Variants in GRM1 observed in about 807,000 individuals in gnomAD.
The protein encoded by GRM1 is glutamate metabotropic receptor 1, also known as metabotropic glutamate receptor 1.
GRM1 carries 33 observed loss-of-function variants against 90.9 expected under a neutral mutation model. The ratio of observed to expected loss-of-function variants is 0.36; its 90% CI spans 0.28 to 0.49. The LOEUF (loss-of-function observed/expected upper bound fraction) is 0.49, where lower values mean the gene tolerates loss of function less well. GRM1 is among the 20% of genes least tolerant of loss of function. The pLI is 0.99. For synonymous variants in GRM1, 700 were observed against 613.2 expected (o/e 1.14, Z -2.09); for missense variants, 1,190 against 1,534.3 (o/e 0.78, Z 3.75).
chr6:146,419,371 T>G (rs1252754156), intron 7 of GRM1, among the ~76,000 whole-genome samples: 2 of 152,164 alleles, frequency 1.3e-5, no homozygotes, highest in East Asian at 3.9e-4. Flanking sequence ...ATAATTTATT[T>G]ACAGCATCAG....
chr6:146,269,891 C>T (rs1440218483), intron 2 of GRM1, among the ~76,000 whole-genome samples: 1 of 151,366 alleles, frequency 6.6e-6, no homozygotes, highest in East Asian at 1.9e-4. Context: ...TGAGCAAACT[C>T]ATTAGGAATG....
chr6:146,392,571 A>G (rs1473359493), intron 6 of GRM1, among the ~76,000 whole-genome samples: 1 of 152,204 alleles, frequency 6.6e-6, no homozygotes, highest in Non-Finnish European at 1.5e-5. Context: ...GTTCTGGGAT[A>G]CATGTGCAGA....
chr6:146,075,447 T>C (rs78583259), intron 1 of GRM1, among the ~76,000 whole-genome samples: 1,542 of 152,302 alleles, frequency 0.01, 27 homozygotes, highest in East Asian at 0.07. Context: ...TATGATATTT[T>C]GTATGCTAAA....
intron 1 of GRM1, among the ~76,000 whole-genome samples, chr6:146,140,466 C>T (rs1776831651): frequency 6.6e-6 from 1 of 151,806 alleles, no homozygotes; most frequent in Non-Finnish European, 1.5e-5. Flanking sequence ...ATGGGGTTTC[C>T]CCATGATTGC....
intron 5 of GRM1, among the ~76,000 whole-genome samples, chr6:146,385,633 G>A (rs1242934443): frequency 6.6e-6 from 1 of 151,796 alleles, no homozygotes; most frequent in East Asian, 1.9e-4. Context: ...AAAAGAACCA[G>A]AAATGTAAAT....
chr6:146,108,229 T>A (rs1775402816), intron 1 of GRM1, among the ~76,000 whole-genome samples: 1 of 152,182 alleles, frequency 6.6e-6, no homozygotes, highest in African/African-American at 2.4e-5. Context: ...TCTTCCATTA[T>A]CTTCTACCAG....
intron 2 of GRM1, among the ~76,000 whole-genome samples, chr6:146,302,716 G>A (rs958403387): frequency 6.6e-6 from 1 of 151,950 alleles, no homozygotes; most frequent in Non-Finnish European, 1.5e-5. Context: ...CTTTTTTAGT[G>A]TCTGTTTTCC....
chr6:146,174,528 A>G (rs1778261908), intron 2 of GRM1, among the ~76,000 whole-genome samples: 1 of 152,208 alleles, frequency 6.6e-6, no homozygotes, highest in Admixed American at 6.5e-5. Context: ...TGTTTTGCCA[A>G]AGTAGAATAT....
At chr6:146,033,232 C>G (rs1438555374) in intron 1 of GRM1, among the ~76,000 whole-genome samples, 1 of 152,040 alleles carries the variant, frequency 6.6e-6, no homozygotes, top group African/African-American at 2.4e-5. Flanking sequence ...AGTTTGAATG[C>G]ACTTTGGAGC....
intron 1 of GRM1, among the ~76,000 whole-genome samples, chr6:146,158,418 G>A (rs953193231): frequency 2.6e-5 from 4 of 151,988 alleles, no homozygotes; most frequent in African/African-American, 9.7e-5. Context: ...AGAGATGGAT[G>A]TTTGACATCC....
chr6:146,366,622 A>G (rs963915140), intron 5 of GRM1, among the ~76,000 whole-genome samples: 1 of 152,158 alleles, frequency 6.6e-6, no homozygotes, highest in Non-Finnish European at 1.5e-5. Context: ...TTGCTTATTT[A>G]ACATGATTTC....
At chr6:146,155,049 A>G (rs1240177054) in intron 1 of GRM1, among the ~76,000 whole-genome samples, 1 of 152,180 alleles carries the variant, frequency 6.6e-6, no homozygotes, top group East Asian at 1.9e-4. Context: ...TGATACAACA[A>G]ATGCACCTTT....
intron 1 of GRM1, among the ~76,000 whole-genome samples, chr6:146,088,126 C>T (rs1230942622): frequency 6.6e-6 from 1 of 152,058 alleles, no homozygotes. Flanking sequence ...TTTATTTTAA[C>T]TATTCTGATA....
chr6:146,051,119 G>A (rs1221261024), intron 1 of GRM1, among the ~76,000 whole-genome samples: 2 of 152,020 alleles, frequency 1.3e-5, no homozygotes, highest in South Asian at 2.1e-4. Flanking sequence ...AGACACATCT[G>A]CTTTCTTACC....
chr6:146,252,825 G>A (rs1781345451), intron 2 of GRM1, among the ~76,000 whole-genome samples: 2 of 152,108 alleles, frequency 1.3e-5, no homozygotes, highest in South Asian at 4.2e-4. Flanking sequence ...ACTTTGGGGG[G>A]CCGAGGCAGG....
intron 2 of GRM1, among the ~76,000 whole-genome samples, chr6:146,173,468 G>A (rs1477469176): frequency 6.6e-6 from 1 of 151,176 alleles, no homozygotes; most frequent in African/African-American, 2.4e-5. Flanking sequence ...AGAAACTCTT[G>A]ATTCTTCCAA....
chr6:146,098,484 A>G (rs1476937311), intron 1 of GRM1, among the ~76,000 whole-genome samples: 1 of 152,182 alleles, frequency 6.6e-6, no homozygotes, highest in African/African-American at 2.4e-5. Context: ...GTCTTTTAAA[A>G]TAAATACTTT....
chr6:146,306,261 C>T (rs186054470), intron 3 of GRM1, among the ~76,000 whole-genome samples: 26 of 152,258 alleles, frequency 1.7e-4, no homozygotes, highest in African/African-American at 6.3e-4. Flanking sequence ...ATAGACATCT[C>T]CTTTCTCTGA....
intron 2 of GRM1, among the ~76,000 whole-genome samples, chr6:146,219,727 T>TAAAAATAAATTACA (rs1434023284): frequency 6.6e-6 from 1 of 151,160 alleles, no homozygotes; most frequent in Non-Finnish European, 1.5e-5. Flanking sequence ...AGAATCTTGG[T>TAAAAATAAATTACA]AAAAATAAAT....
Sources: gnomAD v4.1 joint callset for allele counts (sites outside exome capture counted in the v4.1 genomes callset) on GRCh38, gnomAD v4.1.1 for gene constraint, MANE v1.5 for transcripts, NCBI Gene and HGNC (gene_info 2026-07-23, HGNC 2026-07-21) for gene names.